The following WDR27 variants were observed in gnomAD, a reference collection of about 807,000 sequenced individuals.
WDR27 encodes the protein WD repeat-containing protein 27.
In WDR27, 100 loss-of-function variants were observed where a neutral mutation model predicts 114.4. The observed-to-expected ratio is 0.87, with a 90% CI of 0.74 to 1.03. WDR27 has a LOEUF of 1.03. Among genes scored for constraint, WDR27 ranks in the 50% least tolerant of loss-of-function variants. The pLI is 0.00. For synonymous variants in WDR27, 449 were observed against 423.1 expected (o/e 1.06, Z -0.75); for missense variants, 1,129 against 1,092.9 (o/e 1.03, Z -0.47).
At position 169,621,769 on chromosome 6, in the gene WDR27, C is replaced by T. The variant is rs184793876; in HGVS notation, c.2224-8113G>A. Among the ~76,000 whole-genome samples, 143 of 149,340 alleles carry T rather than the reference C, an allele frequency of 9.6e-4. 1 individual carries two copies. The highest frequency in any genetic ancestry group is 3.7e-3 in the Middle Eastern group (1 of 270). On this transcript the variant is annotated intron_variant, in intron 21 of 25. Coordinates refer to ENST00000448612, the MANE Select transcript of WDR27 (RefSeq NM_182552.5). ...ACACACACGCACACATATATACAGA[C>T]GCACACACATGCATGCATGCATATA...
intron 25 of WDR27, among the ~76,000 whole-genome samples, chr6:169,541,171 A>G (rs1433722412): frequency 6.6e-6 from 1 of 152,164 alleles, no homozygotes; most frequent in African/African-American, 2.4e-5. Flanking sequence ...GGTTAAAAAG[A>G]CATAAAAAGG....
At chr6:169,646,747 C>CAAAAA (rs201219275) in intron 16 of WDR27, among the ~76,000 whole-genome samples, 1 of 78,560 alleles carries the variant, frequency 1.3e-5, no homozygotes, top group South Asian at 3.7e-4. Context: ...GTCTCTGTCT[C>CAAAAA]AAAAAAAAAA....
intron 23 of WDR27, among the ~76,000 whole-genome samples, 175 bp downstream of exon 23, chr6:169,602,044 C>T (rs1170384864): frequency 6.6e-6 from 1 of 152,220 alleles, no homozygotes; most frequent in Non-Finnish European, 1.5e-5. Context: ...TCAGTAAAAA[C>T]ATCTTTCATA....
At chr6:169,457,062 G>A (rs1379743641), downstream of WDR27, 1 of 160,286 alleles carries the variant, frequency 6.2e-6, no homozygotes, top group African/African-American at 2.4e-5. Context: ...GCAGAACCTA[G>A]GGAAGAGGCC....
In WDR27 at chr6:169,627,535, G is replaced by A. The variant is rs183349214; in HGVS notation, c.2223+5412C>T. Among the ~76,000 whole-genome samples the A allele has an allele frequency of 3.9e-5, 6 of 152,140 alleles. No homozygotes were observed. In the East Asian group the frequency reaches 9.7e-4, roughly 25 times the overall value. On this transcript the variant is annotated intron_variant, in intron 21 of 25. Coordinates refer to ENST00000448612, the MANE Select transcript of WDR27 (RefSeq NM_182552.5). Reference sequence around the variant, plus strand: ...AAACACGTATCAGAATGTGGAGATCGTCTACGTACTGGAGCGCCATTCACC... The same window carrying A: ...AAACACGTATCAGAATGTGGAGATCATCTACGTACTGGAGCGCCATTCACC...
intron 21 of WDR27, among the ~76,000 whole-genome samples, chr6:169,618,722 T>C (rs188066741): frequency 5.1e-4 from 78 of 152,054 alleles, no homozygotes; most frequent in Middle Eastern, 3.4e-3. Flanking sequence ...CCCTGTTTTA[T>C]ATGTTACTGG....
At chr6:169,549,882 T>G (rs1433366130) in intron 25 of WDR27, among the ~76,000 whole-genome samples, 1 of 152,082 alleles carries the variant, frequency 6.6e-6, no homozygotes, top group Non-Finnish European at 1.5e-5. Flanking sequence ...GAGAGAGGGA[T>G]GAATAGGCAG....
intron 6 of WDR27, chr6:169,666,626 T>C (rs1306576890): frequency 1.0e-6 from 1 of 985,560 alleles, no homozygotes; most frequent in East Asian, 1.1e-4. Flanking sequence ...ATCAATGCTG[T>C]AGCTGTGTGG....
chr6:169,604,432 A>G (rs1243674961), intron 22 of WDR27, among the ~76,000 whole-genome samples: 1 of 152,198 alleles, frequency 6.6e-6, no homozygotes, highest in African/African-American at 2.4e-5. Flanking sequence ...ACAGATCAAT[A>G]ATGAATAGAA....
intron 21 of WDR27, among the ~76,000 whole-genome samples, chr6:169,613,931 T>C (rs186958809): frequency 6.6e-6 from 1 of 152,168 alleles, no homozygotes; most frequent in Non-Finnish European, 1.5e-5. Flanking sequence ...AAGACCAAGA[T>C]AGTAATACAC....
chr6:169,643,364 A>G (rs906678300), intron 17 of WDR27, among the ~76,000 whole-genome samples: 2 of 152,246 alleles, frequency 1.3e-5, no homozygotes, highest in African/African-American at 2.4e-5. Flanking sequence ...ATTTCAAAAT[A>G]TATTTCAACT....
rs1175114934 is a variant in WDR27, at chr6:169,636,426, G to A, written c.1948C>T (p.Pro650Ser). 1.2e-6 allele frequency: 2 copies of A among 1,613,754 alleles called. No homozygotes were observed. Among genetic ancestry groups the A allele is most frequent in the Admixed American group, 1.7e-5 (1 of 60,000 alleles). The change falls in exon 19 of 26, where the codon CCT becomes TCT. Residue 650 changes from proline to serine, a missense_variant. By Grantham distance (74) the Pro-to-Ser change is moderately conservative. Coordinates refer to ENST00000448612, the MANE Select transcript of WDR27 (RefSeq NM_182552.5). ...TGATACCTCAGTAGCTGAAATTCAG[G>A]GCCAGAAGATAACAATATAAAGGCA... ...IDAFILLSSG[P>S]EFQLLRYHID...
At chr6:169,615,179 AAG>A (rs1158760345) in intron 21 of WDR27, among the ~76,000 whole-genome samples, 2 of 152,214 alleles carry the variant, frequency 1.3e-5, no homozygotes, top group Admixed American at 1.3e-4. Flanking sequence ...CAACAAGGAA[AAG>A]AGAGATAATA....
At chr6:169,466,138 G>T (rs879535715) in intron 25 of WDR27, among the ~76,000 whole-genome samples, 1 of 152,160 alleles carries the variant, frequency 6.6e-6, no homozygotes, top group East Asian at 1.9e-4. Flanking sequence ...CTCTTGCCCC[G>T]TTTCTGTCCA....
intron 22 of WDR27, among the ~76,000 whole-genome samples, chr6:169,604,739 T>C (rs1475621085): frequency 6.6e-6 from 1 of 152,112 alleles, no homozygotes; most frequent in Non-Finnish European, 1.5e-5. Flanking sequence ...ATCAAGAAGA[T>C]AATACACCAT....
At chr6:169,699,434 G>A (rs982502238) in intron 1 of WDR27, among the ~76,000 whole-genome samples, 10 of 152,174 alleles carry the variant, frequency 6.6e-5, no homozygotes, top group Admixed American at 2.0e-4. Context: ...CAGGAAGAAC[G>A]ACAATGGCAT....
At chr6:169,632,319 T>C (rs1816629858) in intron 21 of WDR27, among the ~76,000 whole-genome samples, 1 of 152,056 alleles carries the variant, frequency 6.6e-6, no homozygotes, top group South Asian at 2.1e-4. Flanking sequence ...GCCAGATGCA[T>C]CGTAAGTTAA....
intron 23 of WDR27, among the ~76,000 whole-genome samples, chr6:169,585,425 A>G (rs112754851): frequency 0.039 from 5,957 of 152,274 alleles, 148 homozygotes; most frequent in Non-Finnish European, 0.061. Flanking sequence ...GTTTTGAAGT[A>G]AAGTCTACAA....
intron 23 of WDR27, among the ~76,000 whole-genome samples, chr6:169,595,980 C>A (rs966908361): frequency 7.9e-5 from 12 of 151,784 alleles, no homozygotes; most frequent in Middle Eastern, 6.4e-3. Flanking sequence ...TACAAAAATC[C>A]AATCCAAGCT....
Sources: gnomAD v4.1 joint callset for allele counts (sites outside exome capture counted in the v4.1 genomes callset) on GRCh38, gnomAD v4.1.1 for gene constraint, MANE v1.5 for transcripts, NCBI Gene and HGNC (gene_info 2026-07-23, HGNC 2026-07-21) for gene names.